Variants in PPP1R12B observed in about 807,000 individuals in gnomAD.
The protein encoded by PPP1R12B is myosin phosphatase target subunit 2.
A neutral mutation model predicts 126.1 loss-of-function variants in PPP1R12B; 76 were observed. The observed-to-expected ratio is 0.60, with a 90% CI of 0.50 to 0.73. The LOEUF (loss-of-function observed/expected upper bound fraction) is 0.73, where lower values mean the gene tolerates loss of function less well. PPP1R12B is among the 30% of genes least tolerant of loss of function. The pLI, the probability that PPP1R12B is intolerant of heterozygous loss-of-function variation, is 0.00. For missense variants in PPP1R12B, 1,052 were observed against 1,205.1 expected (o/e 0.87, Z 1.88); for synonymous variants, 356 against 434.7 (o/e 0.82, Z 2.25).
At chr1:202,563,084 A>G (rs971301727) in intron 20 of PPP1R12B, among the ~76,000 whole-genome samples, 162 bp downstream of exon 20, 3 of 152,196 alleles carry the variant, frequency 2.0e-5, no homozygotes, top group African/African-American at 7.2e-5. Context: ...TCACCTCTCC[A>G]AAAAACTAGA....
intron 13 of PPP1R12B, among the ~76,000 whole-genome samples, chr1:202,462,247 T>G (rs1674401615): frequency 6.6e-6 from 1 of 152,168 alleles, no homozygotes; most frequent in Admixed American, 6.5e-5. Flanking sequence ...GAGGCCTAGA[T>G]GGTGTCTACT....
chr1:202,385,294 A>G (rs1662945253), intron 1 of PPP1R12B, among the ~76,000 whole-genome samples: 1 of 152,148 alleles, frequency 6.6e-6, no homozygotes, highest in South Asian at 2.1e-4. Context: ...ATCTTTTACC[A>G]TCCCTCTCAG....
chr1:202,493,022 A>T, intron 14 of PPP1R12B, 92 bp from the exon 15 acceptor site: 1 of 1,343,938 alleles, frequency 7.4e-7, no homozygotes, highest in Non-Finnish European at 1.0e-6. Context: ...GGGATTTGAT[A>T]ACTATTAGGT....
intron 8 of PPP1R12B, among the ~76,000 whole-genome samples, chr1:202,434,250 G>A (rs1670531128): frequency 6.6e-6 from 1 of 152,196 alleles, no homozygotes; most frequent in Admixed American, 6.5e-5. Flanking sequence ...GGCAAGTGGT[G>A]TGCCTAAGAT....
In PPP1R12B at chr1:202,583,527, T is replaced by C. The variant is rs1382988653; in HGVS notation, c.*2967T>C. 2.0e-5 allele frequency: 3 copies of C among 152,230 alleles called. No individual in the cohort carries two copies. The highest frequency in any genetic ancestry group is 4.8e-5 in the African/African-American group (2 of 41,468). The allele number at this position is 152,230 out of a possible 1,614,324, so 9.4% of individuals were successfully genotyped here. ...AGGTAATTTCAGGTACTTTCTCTTA[T>C]GCAATTAATTTTATTAACTGATTTC... On this transcript the variant is annotated 3_prime_UTR_variant, in exon 24 of 24. Coordinates refer to ENST00000608999, the MANE Select transcript of PPP1R12B (RefSeq NM_002481.4).
intron 18 of PPP1R12B, among the ~76,000 whole-genome samples, chr1:202,552,381 A>C (rs1432289684): frequency 6.6e-6 from 1 of 152,208 alleles, no homozygotes; most frequent in Non-Finnish European, 1.5e-5. Context: ...TTTTCCCTTA[A>C]GATAGAAGGA....
intron 12 of PPP1R12B, 39 bp downstream of exon 12, chr1:202,442,611 T>G (rs1474299277): frequency 1.3e-6 from 2 of 1,573,872 alleles, no homozygotes; most frequent in Admixed American, 1.8e-5. Flanking sequence ...TTTCTTTCAC[T>G]CTAGCCATGG....
intron 2 of PPP1R12B, among the ~76,000 whole-genome samples, chr1:202,420,431 G>C (rs1211129767): frequency 6.6e-6 from 1 of 152,220 alleles, no homozygotes; most frequent in Non-Finnish European, 1.5e-5. Flanking sequence ...ATAGAAGGGA[G>C]AGTGTTCCAC....
chr1:202,467,212 G>GTC (rs905609166), intron 13 of PPP1R12B, among the ~76,000 whole-genome samples: 10 of 150,302 alleles, frequency 6.7e-5, no homozygotes, highest in Non-Finnish European at 1.5e-4. Flanking sequence ...TTTGTAGGAT[G>GTC]TCTCTCTCTT....
At chr1:202,438,667 T>C in intron 10 of PPP1R12B, 1 of 570,604 alleles carries the variant, frequency 1.8e-6, no homozygotes, top group South Asian at 1.7e-5. Flanking sequence ...AGAAGACGCT[T>C]GTCCCAGGGC....
intron 1 of PPP1R12B, among the ~76,000 whole-genome samples, chr1:202,396,304 A>C (rs751941219): frequency 9.2e-5 from 14 of 152,162 alleles, no homozygotes; most frequent in Non-Finnish European, 1.9e-4. Flanking sequence ...GTTTTTAGCC[A>C]TGTGACCTTG....
chr1:202,493,585 C>G (rs1679169395), intron 15 of PPP1R12B, among the ~76,000 whole-genome samples: 1 of 152,084 alleles, frequency 6.6e-6, no homozygotes, highest in African/African-American at 2.4e-5. Flanking sequence ...TAACAAAATG[C>G]AAATAAAAAT....
At chr1:202,551,375 G>T (rs1313059713) in intron 18 of PPP1R12B, among the ~76,000 whole-genome samples, 1 of 152,156 alleles carries the variant, frequency 6.6e-6, no homozygotes, top group Non-Finnish European at 1.5e-5. Context: ...TTACACATAT[G>T]TATACCAGGT....
At chr1:202,507,072 T>C (rs1680893520) in intron 18 of PPP1R12B, among the ~76,000 whole-genome samples, 1 of 152,226 alleles carries the variant, frequency 6.6e-6, no homozygotes, top group Admixed American at 6.5e-5. Context: ...AACTTGATTT[T>C]ATGTTTAAGC....
At chr1:202,472,757 A>AGCAGGGATCAGCAAATGTTTTCT (rs1400817616) in intron 13 of PPP1R12B, among the ~76,000 whole-genome samples, 5 of 152,386 alleles carry the variant, frequency 3.3e-5, no homozygotes, top group Admixed American at 6.5e-5. Context: ...TAGTGTCTAG[A>AGCAGGGATCAGCAAATGTTTTCT]GCAGGGATCA....
intron 1 of PPP1R12B, among the ~76,000 whole-genome samples, chr1:202,358,696 A>C (rs1657585351): frequency 6.6e-6 from 1 of 152,146 alleles, no homozygotes; most frequent in African/African-American, 2.4e-5. Context: ...AAAAAAAAAA[A>C]AACTGAAACT....
chr1:202,442,010 CT>C (rs2148696377), intron 11 of PPP1R12B, among the ~76,000 whole-genome samples: 1 of 152,076 alleles, frequency 6.6e-6, no homozygotes, highest in Admixed American at 6.6e-5. Context: ...CCATGCCTGG[CT>C]AATTTTTTTG....
chr1:202,480,964 C>A (rs533929681), intron 13 of PPP1R12B, among the ~76,000 whole-genome samples: 1 of 152,180 alleles, frequency 6.6e-6, no homozygotes, highest in Non-Finnish European at 1.5e-5. Flanking sequence ...AATTTTTCCA[C>A]AGACTGGTGG....
rs938158677 is a variant in PPP1R12B at position 202,439,334 on chromosome 1, G to A, written c.1458+1310G>A. On this transcript the variant is annotated intron_variant, in intron 10 of 23. Coordinates refer to ENST00000608999, the MANE Select transcript of PPP1R12B (RefSeq NM_002481.4). Reference sequence around the variant, plus strand: ...CCATCCTGAGGGCAGCCCTGAAGCTGGAACCTTCCAACAAGACGATCCACG... The same window carrying A: ...CCATCCTGAGGGCAGCCCTGAAGCTAGAACCTTCCAACAAGACGATCCACG... 9.1e-5 allele frequency: 129 copies of A among 1,415,370 alleles called. No homozygotes were observed. The African/African-American group carries it at 1.4e-3, about 16-fold the overall frequency. 87.7% of individuals were successfully genotyped at this position (1,415,370 alleles called of 1,614,324 possible). A position where few individuals can be genotyped will look rare whatever the true frequency, so the allele number is the denominator to read the frequency against.
Sources: allele counts gnomAD v4.1 joint callset (sites outside exome capture counted in the v4.1 genomes callset), GRCh38; gene constraint gnomAD v4.1.1; transcripts MANE v1.5; gene names NCBI Gene and HGNC (gene_info 2026-07-23, HGNC 2026-07-21).